The following SKOR2 variants were observed in gnomAD, a reference collection of about 807,000 sequenced individuals.
The protein encoded by SKOR2 is LBX1 corepressor 1-like protein.
Under a neutral mutation model 69.1 loss-of-function variants are expected in SKOR2, and 47 were observed. The observed-to-expected ratio is 0.68, with a 90% CI of 0.54 to 0.87. The LOEUF (loss-of-function observed/expected upper bound fraction) is 0.87, where lower values mean the gene tolerates loss of function less well. Ranked by LOEUF, SKOR2 falls within the 40% of genes least tolerant of loss-of-function variation. The pLI is 0.00. For synonymous variants in SKOR2, 717 were observed against 672.6 expected, an observed-to-expected ratio of 1.07 and a Z score of -1.02; for missense variants, 1,404 against 1,472.2, an observed-to-expected ratio of 0.95 and a Z score of 0.76.
intron 4 of SKOR2, among the ~76,000 whole-genome samples, chr18:47,238,196 A>G (rs150963959): frequency 6.6e-6 from 1 of 152,034 alleles, no homozygotes; most frequent in East Asian, 1.9e-4. Flanking sequence ...TTTTGTTTTG[A>G]TTTTTTTTAA....
Position 47,248,369 on chromosome 18 carries a change from C to T in SKOR2, c.815G>A (p.Gly272Glu), listed in dbSNP as rs750049174. 8 of 1,288,866 alleles carry T rather than the reference C, an allele frequency of 6.2e-6. No individual in the cohort carries two copies. The South Asian group carries it at 1.0e-4, about 16-fold the overall frequency. The allele number at this position is 1,288,866 out of a possible 1,614,324, so 79.8% of individuals were successfully genotyped here. ...GTGGGGGCCCAGCAGACCCCCGCCT[C>T]CGGCCACCGCGGCCGCGGCGGCCAC... ...AAVAAAAAVA[G>E]GGGLLGPHLL... Residue 272 changes from glycine to glutamate, a missense_variant, in exon 2 of 9, where the codon GGA becomes GAA. Physicochemically the swap from Gly to Glu is moderately conservative, Grantham distance 98. This residue lies in a region of SKOR2 where 1,266 missense variants were observed against 1,309.9 expected (regional missense o/e 0.97). Coordinates refer to ENST00000425639, the MANE Select transcript of SKOR2 (RefSeq NM_001278063.4). This position sits in a 1 kb window ranked among gnomAD's most constrained non-coding sequence, Gnocchi z 6.4.
chr18:47,247,705 C>T lies in SKOR2; in HGVS notation c.1479G>A (p.Ser493=), dbSNP rs141162442. 0.019 allele frequency: 25,605 copies of T among 1,363,030 alleles called. 310 individuals carry two copies. The highest frequency in any genetic ancestry group is 0.021 in the Non-Finnish European group (22,913 of 1,067,214). The allele number at this position is 1,363,030 out of a possible 1,614,324, so 84.4% of individuals were successfully genotyped here. The change falls in exon 2 of 9, where the codon TCG becomes TCA. Residue 493 remains serine, a synonymous_variant. Coordinates refer to ENST00000425639, the MANE Select transcript of SKOR2 (RefSeq NM_001278063.4). The surrounding 1 kb of genome is among the most constrained non-coding windows in gnomAD (Gnocchi z 6.6). ...TTTCGCCTAGCGCGCAGCCTAGCGC[C>T]GAGGGCGGCTGAGGCGGGGGCTGCA... ...TYLQPPPQPP[S]ALGCALGESP... is the part of the protein sequence containing the mutation.
At position 47,224,434 on chromosome 18, in the gene SKOR2, T is replaced by C. The variant is rs73954293; in HGVS notation, c.2918-4424A>G. On this transcript the variant is annotated intron_variant, in intron 6 of 8. Coordinates refer to ENST00000425639, the MANE Select transcript of SKOR2 (RefSeq NM_001278063.4). ...GACAGCTGGAAAAGCCAAAGGGTTTTCCAAACAGCAATAAAAAGTATCTAG... is the reference window on the plus strand; with the variant it reads ...GACAGCTGGAAAAGCCAAAGGGTTTCCCAAACAGCAATAAAAAGTATCTAG... Among the ~76,000 whole-genome samples, 627 of 152,252 alleles carry C rather than the reference T, an allele frequency of 4.1e-3. 6 individuals are homozygous for C. Among genetic ancestry groups the C allele is most frequent in the African/African-American group, 0.015 (604 of 41,556 alleles).
In SKOR2 at chr18:47,230,466, T is replaced by G; in HGVS notation, c.2910A>C (p.Pro970=). ...FQVLKGNTSF[P]VFNNFQDQMK... ...ATAAAAGTGATTTCTTACTGAATAC[T>G]GGGAAAGATGTGTTTCCTTTTAACA... The change falls in exon 6 of 9, where the codon CCA becomes CCC. Residue 970 remains proline (P), a synonymous_variant. Coordinates refer to ENST00000425639, the MANE Select transcript of SKOR2 (RefSeq NM_001278063.4). 1 of 1,422,918 alleles carries G rather than the reference T, an allele frequency of 7.0e-7. No individual in the cohort carries two copies. Among genetic ancestry groups the G allele is most frequent in the Non-Finnish European group, 9.1e-7 (1 of 1,094,100 alleles). The allele number at this position is 1,422,918 out of a possible 1,614,324, so 88.1% of individuals were successfully genotyped here. A position where few individuals can be genotyped will look rare whatever the true frequency, so the allele number is the denominator to read the frequency against.
rs191504654 is a variant in SKOR2 at position 47,251,627 on chromosome 18, C to T, written c.-301G>A. ...CGCAGAAACCCGCGGCAGGAGAGCC[C>T]CAAGTGGAGCGCAGTCTGACAGCGT... is the stretch of plus-strand genomic sequence containing the variant. On this transcript the variant is annotated 5_prime_UTR_variant, in exon 1 of 9. Transcript: ENST00000425639. The T allele has an allele frequency of 6.6e-6, 1 of 152,178 alleles. No homozygotes were observed. The highest frequency in any genetic ancestry group is 2.4e-5 in the African/African-American group (1 of 41,440). 9.4% of individuals were successfully genotyped at this position (152,178 alleles called of 1,614,324 possible).
chr18:47,246,831 C>A lies in SKOR2; in HGVS notation c.2353G>T (p.Gly785Cys), dbSNP rs1249729542. Reference protein sequence around the residue: ...VLLGDPLVGGGRFLQGRGPSE... With the variant: ...VLLGDPLVGGCRFLQGRGPSE... ...GGCCCTCGGCCCTGGAGGAACCGGCCGCCCCCGACTAAGGGGTCGCCGAGT... is the reference window on the plus strand; with the variant it reads ...GGCCCTCGGCCCTGGAGGAACCGGCAGCCCCCGACTAAGGGGTCGCCGAGT... The change falls in exon 2 of 9, where the codon GGC becomes TGC. Residue 785 changes from glycine to cysteine, a missense_variant. By Grantham distance (159) the Gly-to-Cys change is radical (BLOSUM62 -3). This residue lies in a region of SKOR2 where 1,266 missense variants were observed against 1,309.9 expected (regional missense o/e 0.97). Transcript: ENST00000425639. The A allele has an allele frequency of 2.0e-6, 3 of 1,464,246 alleles. No individual in the cohort carries two copies. The highest frequency in any genetic ancestry group is 5.7e-5 in the East Asian group (2 of 35,024). 90.7% of individuals were successfully genotyped at this position (1,464,246 alleles called of 1,614,324 possible).
chr18:47,248,360 C>T lies in SKOR2; in HGVS notation c.824G>A (p.Gly275Asp), dbSNP rs1476443593. The T allele has an allele frequency of 3.9e-6, 5 of 1,279,402 alleles. No homozygotes were observed. The highest frequency in any genetic ancestry group is 1.6e-5 in the African/African-American group (1 of 63,312). 79.3% of individuals were successfully genotyped at this position (1,279,402 alleles called of 1,614,324 possible). A position where few individuals can be genotyped will look rare whatever the true frequency, so the allele number is the denominator to read the frequency against. ...ACCCAGCAGGTGGGGGCCCAGCAGA[C>T]CCCCGCCTCCGGCCACCGCGGCCGC... The part of the protein sequence containing the change: ...AAAAAVAGGG[G>D]LLGPHLLGAP... The change falls in exon 2 of 9, where the codon GGT (glycine) becomes GAT (aspartate). Residue 275 changes from glycine (G) to aspartate (D), a missense_variant. This residue lies in a region of SKOR2 where 1,266 missense variants were observed against 1,309.9 expected (regional missense o/e 0.97). Transcript: ENST00000425639. The surrounding 1 kb of genome is among the most constrained non-coding windows in gnomAD (Gnocchi z 6.4).
In SKOR2 at chr18:47,247,633, G is replaced by T. The variant is rs1446258651; in HGVS notation, c.1551C>A (p.Gly517=). Residue 517 remains glycine (G), a synonymous_variant, in exon 2 of 9, where the codon GGC becomes GGA. Transcript: ENST00000425639. This position sits in a 1 kb window ranked among gnomAD's most constrained non-coding sequence, Gnocchi z 6.6. ...CGGCCTCGGCGCTCCCAGCAGCACC[G>T]CCTGGCTCAGCCAGGTCCAGGAAGG... ...RQAFLDLAEP[G]GAAGSAEAAP... is the part of the protein sequence containing the mutation. 100 of 1,342,594 alleles carry T rather than the reference G, an allele frequency of 7.4e-5. No homozygotes were observed. The highest frequency in any genetic ancestry group is 9.3e-5 in the Non-Finnish European group (98 of 1,049,700). 83.2% of individuals were successfully genotyped at this position (1,342,594 alleles called of 1,614,324 possible).
At chr18:47,239,555 A>G (rs897729864) in intron 4 of SKOR2, among the ~76,000 whole-genome samples, 5 of 152,356 alleles carry the variant, frequency 3.3e-5, no homozygotes, top group Admixed American at 2.0e-4. Flanking sequence ...AGTAAATTAA[A>G]TATCTTTGAT....
At chr18:47,245,781 AG>A (rs2064270374) in intron 2 of SKOR2, among the ~76,000 whole-genome samples, 2 of 152,150 alleles carry the variant, frequency 1.3e-5, no homozygotes, top group Non-Finnish European at 1.5e-5. Flanking sequence ...CAGATTAATC[AG>A]ATATATGCTA....
intron 1 of SKOR2, among the ~76,000 whole-genome samples, chr18:47,251,135 G>C (rs1298839378): frequency 1.3e-5 from 2 of 151,742 alleles, no homozygotes; most frequent in Non-Finnish European, 2.9e-5. Context: ...TGGGTGGGGA[G>C]GGGAGAAGAG....
At chr18:47,221,968 A>G (rs1026565333) in intron 6 of SKOR2, among the ~76,000 whole-genome samples, 5 of 152,208 alleles carry the variant, frequency 3.3e-5, no homozygotes, top group African/African-American at 9.6e-5. Context: ...CTTTATCTAA[A>G]GAAACAAAGG....
rs1255203876 is a variant in SKOR2, at chr18:47,238,145, TACTA to T, written c.2752+6759_2752+6762del. The stretch of plus-strand genomic sequence containing the variant: ...TGAAAGGGCTATTATGTCCTCCCAG[TACTA>T]TTGTTGACACTTCATGAAAAATATT... On this transcript the variant is annotated intron_variant, in intron 4 of 8. Transcript: ENST00000425639. 6.6e-5 allele frequency among the ~76,000 whole-genome samples: 10 copies of T among 152,282 alleles called. No individual in the cohort carries two copies. The East Asian group carries it at 1.5e-3, about 24-fold the overall frequency.
chr18:47,230,620 T>C (rs1367102861), intron 5 of SKOR2, 63 bp from the exon 6 acceptor site: 1 of 1,030,354 alleles, frequency 9.7e-7, no homozygotes, highest in South Asian at 2.4e-5. Context: ...AGAACTGTTA[T>C]ATATGGCAAT....
Position 47,245,556 on chromosome 18 carries a change from C to T in SKOR2, c.2619G>A (p.Gln873=). The T allele has an allele frequency of 7.2e-7, 1 of 1,384,076 alleles. No individual in the cohort carries two copies. The highest frequency in any genetic ancestry group is 9.4e-7 in the Non-Finnish European group (1 of 1,067,968). 85.7% of individuals were successfully genotyped at this position (1,384,076 alleles called of 1,614,324 possible). A position where few individuals can be genotyped will look rare whatever the true frequency, so the allele number is the denominator to read the frequency against. Residue 873 remains glutamine (Q), a synonymous_variant, in exon 3 of 9, where the codon CAG becomes CAA. Coordinates refer to ENST00000425639, the MANE Select transcript of SKOR2 (RefSeq NM_001278063.4). ...TTACTTGGTTATTTTCCTTAGTTTTCTGACTCTGTGTGGAAAAGAATTAGA... is the reference window on the plus strand; with the variant it reads ...TTACTTGGTTATTTTCCTTAGTTTTTTGACTCTGTGTGGAAAAGAATTAGA... ...LEEQPSYKDS[Q]KTKENNQVIV...
At chr18:47,245,042 G>A (rs1404681660) in intron 3 of SKOR2, 60 bp from the exon 4 acceptor site, 9 of 1,438,736 alleles carry the variant, frequency 6.3e-6, no homozygotes, top group South Asian at 1.3e-5. Context: ...GGCACACAAA[G>A]ATCCAATTTT....
intron 7 of SKOR2, among the ~76,000 whole-genome samples, chr18:47,214,978 CA>C (rs1193296118): frequency 7.5e-6 from 1 of 133,436 alleles, no homozygotes; most frequent in African/African-American, 2.8e-5. Flanking sequence ...TATAGTAGAT[CA>C]AAAGTACTGG....
chr18:47,231,216 G>A, intron 4 of SKOR2: 1 of 1,514,222 alleles, frequency 6.6e-7, no homozygotes, highest in African/African-American at 1.4e-5. Flanking sequence ...TGCCTGGCCT[G>A]TGATGGCAGC....
At chr18:47,210,510 A>G (rs2064124844) in intron 8 of SKOR2, among the ~76,000 whole-genome samples, 1 of 152,212 alleles carries the variant, frequency 6.6e-6, no homozygotes, top group Non-Finnish European at 1.5e-5. Context: ...ATTTTCAACC[A>G]TTATACATAT....
Sources: allele counts gnomAD v4.1 joint callset (sites outside exome capture counted in the v4.1 genomes callset), GRCh38; gene constraint gnomAD v4.1.1; regional missense constraint gnomAD v4.1.1; non-coding constraint Gnocchi (gnomAD v3.1); transcripts MANE v1.5; gene names NCBI Gene and HGNC (gene_info 2026-07-23, HGNC 2026-07-21).